The following DLGAP2 variants were observed in gnomAD, a reference collection of about 807,000 sequenced individuals.
DLGAP2 encodes DLG associated protein 2.
DLGAP2 carries 26 observed loss-of-function variants against 100.3 expected under a neutral mutation model. That is an observed-to-expected ratio of 0.26 (90% CI 0.19 to 0.36). DLGAP2 has a LOEUF of 0.36. Ranked by LOEUF, DLGAP2 falls within the 10% of genes least tolerant of loss-of-function variation. The probability of loss-of-function intolerance (pLI) is 1.00; values close to 1 mark genes in which losing one functional copy is unlikely to be tolerated. For synonymous variants in DLGAP2, 886 were observed against 630.1 expected, an observed-to-expected ratio of 1.41 and a Z score of -6.08; for missense variants, 1,858 against 1,453.2, an observed-to-expected ratio of 1.28 and a Z score of -4.53.
intron 2 of DLGAP2, among the ~76,000 whole-genome samples, chr8:979,098 T>A (rs1410182684): frequency 6.6e-6 from 1 of 152,038 alleles, no homozygotes; most frequent in African/African-American, 2.4e-5. Context: ...GAATTCTAAA[T>A]TGGGGGTGGG....
At chr8:1,362,034 G>T (rs1179624405) in intron 3 of DLGAP2, among the ~76,000 whole-genome samples, 1 of 152,188 alleles carries the variant, frequency 6.6e-6, no homozygotes, top group South Asian at 2.1e-4. Flanking sequence ...TGGCAAGTTC[G>T]GTGTCTGGGG....
chr8:1,318,647 T>C (rs1390896950), intron 3 of DLGAP2, among the ~76,000 whole-genome samples: 1 of 151,968 alleles, frequency 6.6e-6, no homozygotes, highest in East Asian at 1.9e-4. Flanking sequence ...AAATGGGATC[T>C]GTGGCTATAA....
chr8:1,013,380 G>C (rs930475742), intron 2 of DLGAP2, among the ~76,000 whole-genome samples: 5 of 152,172 alleles, frequency 3.3e-5, no homozygotes, highest in Non-Finnish European at 5.9e-5. Context: ...AGAGCCTCAC[G>C]CTTGTTTGTA....
intron 3 of DLGAP2, among the ~76,000 whole-genome samples, chr8:1,347,224 G>C (rs377239401): frequency 6.6e-6 from 1 of 150,600 alleles, no homozygotes; most frequent in Non-Finnish European, 1.5e-5. Context: ...ACACAGAGCT[G>C]CATTGCTCTA....
intron 1 of DLGAP2, among the ~76,000 whole-genome samples, chr8:846,669 C>A (rs1797076678): frequency 6.6e-6 from 1 of 152,146 alleles, no homozygotes; most frequent in Admixed American, 6.5e-5. Context: ...ATTGCTGGAT[C>A]ATATGGTAGT....
Position 1,112,237 on chromosome 8 carries a change from A to ATTTTTTTTTTTTTTTTTTTTTTT in DLGAP2, c.74-146593_74-146592insTTTTTTTTTTTTTTTTTTTTTTT, listed in dbSNP as rs4044488. Among the ~76,000 whole-genome samples the ATTTTTTTTTTTTTTTTTTTTTTT allele has an allele frequency of 2.0e-5, 2 of 98,030 alleles. 1 individual carries two copies. Among genetic ancestry groups the ATTTTTTTTTTTTTTTTTTTTTTT allele is most frequent in the Non-Finnish European group, 3.8e-5 (2 of 53,294 alleles). The allele number at this position is 98,030 out of a possible 152,430, so 64.3% of individuals were successfully genotyped here. ...AAAAGTGTGTTCATGTCCTTTGCCC[A>ATTTTTTTTTTTTTTTTTTTTTTT]TTTTTTTTTTTTTTTTTTTTTGAGA... On this transcript the variant is annotated intron_variant, in intron 2 of 14. Transcript: ENST00000637795.
At chr8:928,570 G>A (rs1301648092) in intron 2 of DLGAP2, among the ~76,000 whole-genome samples, 3 of 152,202 alleles carry the variant, frequency 2.0e-5, no homozygotes, top group Non-Finnish European at 4.4e-5. Flanking sequence ...TCTGTGAAGG[G>A]TGGGATGCAC....
intron 2 of DLGAP2, among the ~76,000 whole-genome samples, chr8:982,670 G>A (rs1563127378): frequency 6.6e-6 from 1 of 152,150 alleles, no homozygotes; most frequent in African/African-American, 2.4e-5. Context: ...ATATGGATAT[G>A]AGCAAATTCT....
chr8:844,380 C>G (rs935377737), intron 1 of DLGAP2, among the ~76,000 whole-genome samples: 5 of 152,228 alleles, frequency 3.3e-5, no homozygotes, highest in African/African-American at 9.6e-5. Context: ...TGCTCAGCAG[C>G]CAGATCAACA....
At chr8:1,427,520 T>C (rs1797269568) in intron 3 of DLGAP2, among the ~76,000 whole-genome samples, 1 of 152,202 alleles carries the variant, frequency 6.6e-6, no homozygotes, top group Non-Finnish European at 1.5e-5. Context: ...GCACTTGATA[T>C]GGTTTGGCTG....
At chr8:1,283,107 G>T (rs60931827) in intron 3 of DLGAP2, among the ~76,000 whole-genome samples, 5 of 116,232 alleles carry the variant, frequency 4.3e-5, no homozygotes, top group South Asian at 2.7e-4. Flanking sequence ...TGAACCCAGC[G>T]CCCTGAACCA....
At chr8:898,543 C>T (rs1185573196) in intron 1 of DLGAP2, among the ~76,000 whole-genome samples, 2 of 152,164 alleles carry the variant, frequency 1.3e-5, no homozygotes, top group Non-Finnish European at 2.9e-5. Context: ...ATTGGGGGTG[C>T]TGTGTGCAGG....
intron 6 of DLGAP2, among the ~76,000 whole-genome samples, chr8:1,589,632 G>C (rs895891655): frequency 3.9e-5 from 6 of 152,144 alleles, no homozygotes; most frequent in African/African-American, 1.4e-4. Flanking sequence ...ATTGTTTGTA[G>C]AGATGGGGTT....
chr8:1,428,407 T>C (rs1197210686), intron 3 of DLGAP2, among the ~76,000 whole-genome samples: 2 of 152,170 alleles, frequency 1.3e-5, no homozygotes, highest in Non-Finnish European at 2.9e-5. Flanking sequence ...ACTAGATCTC[T>C]CTTTCCTTGA....
chr8:1,240,726 A>ACATGGCGCCATGTCTGGTTCTCTCG (rs1798770325), intron 2 of DLGAP2, among the ~76,000 whole-genome samples: 5 of 136,934 alleles, frequency 3.7e-5, no homozygotes, highest in Admixed American at 2.9e-4. Flanking sequence ...TAGTTCTCTC[A>ACATGGCGCCATGTCTGGTTCTCTCG]CATGGCGCCG....
chr8:1,651,620 C>G (rs1335510573), intron 8 of DLGAP2, among the ~76,000 whole-genome samples: 1 of 152,216 alleles, frequency 6.6e-6, no homozygotes, highest in Non-Finnish European at 1.5e-5. Flanking sequence ...GGGCTCCTGC[C>G]TGGCCCACAG....
intron 2 of DLGAP2, among the ~76,000 whole-genome samples, chr8:1,010,381 AC>A (rs1253938513): frequency 1.3e-5 from 2 of 152,060 alleles, no homozygotes; most frequent in Non-Finnish European, 2.9e-5. Context: ...ACATGTGTGC[AC>A]AGTCAGATAT....
At chr8:1,517,768 G>T (rs564198959) in intron 4 of DLGAP2, among the ~76,000 whole-genome samples, 1 of 152,180 alleles carries the variant, frequency 6.6e-6, no homozygotes, top group African/African-American at 2.4e-5. Flanking sequence ...GCAAGAAGTC[G>T]ATGTCCAGCT....
chr8:1,003,008 T>A (rs1335761718), intron 2 of DLGAP2: 3 of 152,266 alleles, frequency 2.0e-5, no homozygotes, highest in African/African-American at 7.2e-5. Context: ...CCCTGTTCCC[T>A]TGTCCTCCAC....
Sources: gnomAD v4.1 joint callset for allele counts (sites outside exome capture counted in the v4.1 genomes callset) on GRCh38, gnomAD v4.1.1 for gene constraint, MANE v1.5 for transcripts, NCBI Gene and HGNC (gene_info 2026-07-23, HGNC 2026-07-21) for gene names.